PLEKHA5: variants seen among roughly 807,000 people sequenced by gnomAD.
PLEKHA5 encodes the protein pleckstrin homology domain-containing family A member 5.
A neutral mutation model predicts 181.9 loss-of-function variants in PLEKHA5; 55 were observed. The ratio of observed to expected loss-of-function variants is 0.30; its 90% confidence interval spans 0.24 to 0.38. The LOEUF (loss-of-function observed/expected upper bound fraction) is 0.38, where lower values mean the gene tolerates loss of function less well. Among genes scored for constraint, PLEKHA5 ranks in the 10% least tolerant of loss-of-function variants. The pLI, the probability that PLEKHA5 is intolerant of heterozygous loss-of-function variation, is 1.00. For missense variants in PLEKHA5, 1,432 were observed against 1,549.5 expected, an observed-to-expected ratio of 0.92 and a Z score of 1.27; for synonymous variants, 535 against 529.4, an observed-to-expected ratio of 1.01 and a Z score of -0.15.
Position 19,267,920 on chromosome 12 carries a change from A to G in PLEKHA5, c.712-1850A>G, listed in dbSNP as rs368386964. Among the ~76,000 whole-genome samples the G allele has an allele frequency of 9.1e-4, 139 of 152,216 alleles. 2 individuals are homozygous for G. Among genetic ancestry groups the G allele is most frequent in the African/African-American group, 3.1e-3 (130 of 41,548 alleles). ...GGTTGCAGTGAGCCGAGATCGCGCC[A>G]TTGCACTCCAGCCTGGGCAACAAGA... On this transcript the variant is annotated intron_variant, in intron 8 of 31. Transcript: ENST00000429027.
At chr12:19,322,414 T>C (rs746040010) in intron 19 of PLEKHA5, 24 bp downstream of exon 19, 2 of 1,575,316 alleles carry the variant, frequency 1.3e-6, no homozygotes, top group Admixed American at 3.3e-5. Flanking sequence ...GTTTATTGTC[T>C]ACAATTGATG....
intron 28 of PLEKHA5, among the ~76,000 whole-genome samples, chr12:19,360,060 G>A (rs2095149525): frequency 6.6e-6 from 1 of 152,092 alleles, no homozygotes; most frequent in South Asian, 2.1e-4. Flanking sequence ...GACTGGGCAC[G>A]GTGGCTGGTG....
intron 16 of PLEKHA5, among the ~76,000 whole-genome samples, chr12:19,317,036 G>A (rs1391427623): frequency 1.3e-5 from 2 of 152,138 alleles, no homozygotes; most frequent in Admixed American, 6.6e-5. Context: ...TACCTAGGCA[G>A]TAATTTTCTT....
chr12:19,294,008 T>A (rs139110197), intron 15 of PLEKHA5, among the ~76,000 whole-genome samples: 123 of 152,320 alleles, frequency 8.1e-4, no homozygotes, highest in African/African-American at 2.9e-3. Context: ...CAGTAATTTA[T>A]CTGAAGTAAA....
intron 15 of PLEKHA5, among the ~76,000 whole-genome samples, chr12:19,295,449 C>T (rs1387234837): frequency 6.6e-6 from 1 of 152,140 alleles, no homozygotes; most frequent in African/African-American, 2.4e-5. Context: ...TTCAGATTAT[C>T]AGCAGTTAAA....
intron 3 of PLEKHA5, among the ~76,000 whole-genome samples, chr12:19,172,179 A>T (rs2046056989): frequency 6.6e-6 from 1 of 152,228 alleles, no homozygotes; most frequent in South Asian, 2.1e-4. Flanking sequence ...CTTTTATATG[A>T]TTGGCAGCAC....
intron 20 of PLEKHA5, among the ~76,000 whole-genome samples, chr12:19,332,009 A>G (rs2092892048): frequency 6.6e-6 from 1 of 152,032 alleles, no homozygotes; most frequent in African/African-American, 2.4e-5. Context: ...CAGAGTAAGA[A>G]AAGTCTGGCC....
At chr12:19,207,389 T>C (rs1476201272) in intron 3 of PLEKHA5, 1 of 152,102 alleles carries the variant, frequency 6.6e-6, no homozygotes, top group African/African-American at 2.4e-5. Flanking sequence ...GAAAGAAAAA[T>C]TACCAATGGC....
At chr12:19,324,911 G>A (rs2091739510) in intron 20 of PLEKHA5, among the ~76,000 whole-genome samples, 1 of 152,122 alleles carries the variant, frequency 6.6e-6, no homozygotes, top group African/African-American at 2.4e-5. Context: ...CAAAATGGTA[G>A]GCTCTACAGA....
chr12:19,283,154 A>AG, intron 11 of PLEKHA5, 126 bp from the exon 12 acceptor site: 1 of 486,554 alleles, frequency 2.1e-6, no homozygotes, highest in East Asian at 4.0e-5. Context: ...TCTCCCAAAA[A>AG]AAAAAAAAAA....
intron 3 of PLEKHA5, among the ~76,000 whole-genome samples, chr12:19,220,940 A>G (rs974194985): frequency 6.6e-6 from 1 of 152,178 alleles, no homozygotes. Flanking sequence ...GGGAATTGCA[A>G]ATTAAATAAC....
chr12:19,237,670 C>T (rs1286451420), intron 3 of PLEKHA5, among the ~76,000 whole-genome samples: 2 of 151,558 alleles, frequency 1.3e-5, no homozygotes, highest in Non-Finnish European at 2.9e-5. Flanking sequence ...TATTACAGAT[C>T]GTATTTTATT....
intron 3 of PLEKHA5, among the ~76,000 whole-genome samples, chr12:19,238,646 T>C (rs1225049293): frequency 6.6e-6 from 1 of 152,136 alleles, no homozygotes; most frequent in Non-Finnish European, 1.5e-5. Flanking sequence ...GGTAAGTTAC[T>C]GTGGTGATGA....
chr12:19,142,505 T>A (rs557490773), intron 3 of PLEKHA5, among the ~76,000 whole-genome samples: 15 of 152,306 alleles, frequency 9.8e-5, no homozygotes, highest in African/African-American at 3.6e-4. Context: ...ATGGTAAAAT[T>A]AGTGTGAATT....
intron 4 of PLEKHA5, among the ~76,000 whole-genome samples, chr12:19,254,343 A>G (rs1435853863): frequency 1.3e-5 from 2 of 152,238 alleles, no homozygotes; most frequent in Non-Finnish European, 2.9e-5. Flanking sequence ...CTTAAATCAG[A>G]TAGTGGTAAT....
chr12:19,247,261 G>A (rs550090413), intron 3 of PLEKHA5, among the ~76,000 whole-genome samples: 3 of 152,162 alleles, frequency 2.0e-5, no homozygotes, highest in Admixed American at 6.5e-5. Flanking sequence ...ATTTAAACCT[G>A]GTAAATTGCT....
chr12:19,199,996 G>T (rs1259956069), intron 3 of PLEKHA5, among the ~76,000 whole-genome samples: 1 of 152,096 alleles, frequency 6.6e-6, no homozygotes. Context: ...AAGGGGAGCT[G>T]GAGAAAGGTT....
intron 3 of PLEKHA5, among the ~76,000 whole-genome samples, chr12:19,165,121 A>G (rs1384091431): frequency 6.6e-6 from 1 of 152,152 alleles, no homozygotes; most frequent in East Asian, 1.9e-4. Flanking sequence ...CTCAAATTAT[A>G]TAGAAGACCT....
chr12:19,147,632 T>A (rs1327345448), intron 3 of PLEKHA5, among the ~76,000 whole-genome samples: 1 of 151,326 alleles, frequency 6.6e-6, no homozygotes, highest in Non-Finnish European at 1.5e-5. Context: ...TGAATTTAAC[T>A]GCAGAATGAA....
Sources: allele counts gnomAD v4.1 joint callset (sites outside exome capture counted in the v4.1 genomes callset), GRCh38; gene constraint gnomAD v4.1.1; transcripts MANE v1.5; gene names NCBI Gene and HGNC (gene_info 2026-07-23, HGNC 2026-07-21).